The following PRKCZ variants were observed in gnomAD, a reference collection of about 807,000 sequenced individuals.
PRKCZ encodes protein kinase C zeta type.
PRKCZ carries 33 observed loss-of-function variants against 79.5 expected under a neutral mutation model. The ratio of observed to expected loss-of-function variants is 0.41; its 90% CI spans 0.31 to 0.55. The LOEUF (loss-of-function observed/expected upper bound fraction) is 0.55, where lower values mean the gene tolerates loss of function less well. PRKCZ is among the 20% of genes least tolerant of loss of function. PRKCZ has a pLI of 0.19. For synonymous variants in PRKCZ, 342 were observed against 320.9 expected, an observed-to-expected ratio of 1.07 and a Z score of -0.70; for missense variants, 578 against 813.5, an observed-to-expected ratio of 0.71 and a Z score of 3.52.
chr1:2,173,098 A>C lies in PRKCZ; in HGVS notation c.1285+710A>C, dbSNP rs1684785262. On this transcript the variant is annotated intron_variant, in intron 13 of 17. Coordinates refer to ENST00000378567, the MANE Select transcript of PRKCZ (RefSeq NM_002744.6). This position sits in a 1 kb window ranked among gnomAD's most constrained non-coding sequence, Gnocchi z 5.7. ...TGCATACTGTGTTTGTACACACTCC[A>C]CCCACTTCTGCATCCTGGTGTTTTC... is the stretch of plus-strand genomic sequence containing the variant. 9.8e-6 allele frequency among the ~76,000 whole-genome samples: 1 copy of C among 101,982 alleles called. No homozygotes were observed. Among genetic ancestry groups the C allele is most frequent in the Admixed American group, 9.9e-5 (1 of 10,132 alleles). The allele number at this position is 101,982 out of a possible 152,430, so 66.9% of individuals were successfully genotyped here. A position where few individuals can be genotyped will look rare whatever the true frequency, so the allele number is the denominator to read the frequency against.
intron 16 of PRKCZ, among the ~76,000 whole-genome samples, chr1:2,176,458 G>C (rs1338897995): frequency 2.0e-5 from 3 of 152,196 alleles, no homozygotes; most frequent in Non-Finnish European, 4.4e-5. Flanking sequence ...CACATGGAGG[G>C]TTTATTGGGA....
intron 4 of PRKCZ, among the ~76,000 whole-genome samples, chr1:2,105,205 G>A (rs1023656116): frequency 3.3e-5 from 5 of 152,160 alleles, no homozygotes; most frequent in African/African-American, 7.2e-5. Flanking sequence ...CAGCTCTTGC[G>A]CTGTGTACCG....
chr1:2,133,364 C>T (rs1022293369), intron 4 of PRKCZ, among the ~76,000 whole-genome samples: 26 of 150,648 alleles, frequency 1.7e-4, no homozygotes, highest in Non-Finnish European at 3.7e-4. Context: ...CCCTCGGCTC[C>T]GCCCCCTCGG....
chr1:2,100,952 G>T (rs955074470), intron 4 of PRKCZ, among the ~76,000 whole-genome samples: 2 of 150,504 alleles, frequency 1.3e-5, no homozygotes, highest in East Asian at 3.9e-4. Flanking sequence ...CTCCTGGCCA[G>T]TTCATCTTTC....
intron 1 of PRKCZ, 41 bp from the exon 2 acceptor site, chr1:2,055,400 A>G (rs557097983): frequency 1.9e-6 from 3 of 1,551,028 alleles, no homozygotes; most frequent in African/African-American, 1.4e-5. Context: ...TGATTCAAAT[A>G]TGCCCCACGG....
At chr1:2,063,689 G>T (rs574630151) in intron 4 of PRKCZ, among the ~76,000 whole-genome samples, 33 of 152,262 alleles carry the variant, frequency 2.2e-4, no homozygotes, top group African/African-American at 7.7e-4. Context: ...AATAGTGCAC[G>T]AGCGCCACTG....
intron 9 of PRKCZ, among the ~76,000 whole-genome samples, chr1:2,151,586 G>A (rs905013423): frequency 1.3e-5 from 2 of 152,228 alleles, no homozygotes; most frequent in African/African-American, 4.8e-5. Context: ...AGCTGCCGTG[G>A]CTCTGTGTAG....
intron 16 of PRKCZ, among the ~76,000 whole-genome samples, chr1:2,175,874 C>T (rs2100423365): frequency 6.6e-6 from 1 of 152,278 alleles, no homozygotes; most frequent in South Asian, 2.1e-4. Context: ...GCTAGCGGCA[C>T]ATGCGTCCTG....
At chr1:2,126,981 G>A (rs1261963908) in intron 4 of PRKCZ, among the ~76,000 whole-genome samples, 1 of 152,252 alleles carries the variant, frequency 6.6e-6, no homozygotes, top group South Asian at 2.1e-4. Flanking sequence ...TGTCCCACGT[G>A]CCTAGACGTG....
intron 4 of PRKCZ, among the ~76,000 whole-genome samples, chr1:2,120,450 C>G (rs1182462291): frequency 6.6e-6 from 1 of 151,858 alleles, no homozygotes; most frequent in Non-Finnish European, 1.5e-5. Flanking sequence ...CAGGCACTTG[C>G]CACCATGACC....
intron 3 of PRKCZ, among the ~76,000 whole-genome samples, chr1:2,058,220 C>G (rs954844419): frequency 6.6e-6 from 1 of 151,204 alleles, no homozygotes; most frequent in Non-Finnish European, 1.5e-5. Flanking sequence ...CCAGGCTGTT[C>G]TCAAACTCCT....
chr1:2,100,738 C>T (rs1472046424), intron 4 of PRKCZ, among the ~76,000 whole-genome samples: 1 of 152,112 alleles, frequency 6.6e-6, no homozygotes, highest in Non-Finnish European at 1.5e-5. Context: ...TGAGGCCGGC[C>T]CAGCCCTGAG....
chr1:2,073,763 T>G, intron 4 of PRKCZ: 1 of 1,008,808 alleles, frequency 9.9e-7, no homozygotes, highest in Non-Finnish European at 1.2e-6. Flanking sequence ...CAGCCGGCCT[T>G]CCGTTAAATA....
In PRKCZ at chr1:2,056,822, G is replaced by A. The variant is rs1210021216; in HGVS notation, c.283+249G>A. On this transcript the variant is annotated intron_variant, in intron 3 of 17. Coordinates refer to ENST00000378567, the MANE Select transcript of PRKCZ (RefSeq NM_002744.6). The stretch of plus-strand genomic sequence containing the variant: ...CAGCTCACTGCAAGCTCCGCCTCCT[G>A]GGTTCATGCCATTCTCCTGCCTCAG... Among the ~76,000 whole-genome samples the A allele has an allele frequency of 4.0e-5, 6 of 150,066 alleles. No individual in the cohort carries two copies. The Admixed American group carries it at 4.0e-4, about 10-fold the overall frequency.
intron 4 of PRKCZ, among the ~76,000 whole-genome samples, chr1:2,076,376 A>G (rs1312365637): frequency 6.6e-5 from 10 of 152,164 alleles, no homozygotes; most frequent in African/African-American, 1.9e-4. Context: ...AGGCATCCCC[A>G]TCTCCCAGCC....
intron 4 of PRKCZ, among the ~76,000 whole-genome samples, chr1:2,122,037 A>G (rs1244165640): frequency 3.1e-4 from 1 of 3,200 alleles, no homozygotes; most frequent in African/African-American, 1.7e-3. Context: ...AGTTAGGTTC[A>G]TGGTGGTGGT....
intron 9 of PRKCZ, 84 bp from the exon 10 acceptor site, chr1:2,155,911 A>G: frequency 8.6e-7 from 1 of 1,163,184 alleles, no homozygotes; most frequent in South Asian, 1.2e-5. Context: ...GAGGAAAGAG[A>G]CTCCTCCCTT....
intron 8 of PRKCZ, among the ~76,000 whole-genome samples, chr1:2,150,321 T>G (rs116040511): frequency 6.6e-6 from 1 of 152,324 alleles, no homozygotes; most frequent in African/African-American, 2.4e-5. Context: ...GTATTTCTAA[T>G]AATTATTTCT....
In PRKCZ at chr1:2,082,433, G is replaced by A. The variant is rs556582809; in HGVS notation, c.334+22842G>A. The A allele has an allele frequency of 4.4e-6, 2 of 456,174 alleles. No individual in the cohort carries two copies. The highest frequency in any genetic ancestry group is 2.4e-5 in the Admixed American group (1 of 42,530). The allele number at this position is 456,174 out of a possible 1,614,324, so 28.3% of individuals were successfully genotyped here. A position where few individuals can be genotyped will look rare whatever the true frequency, so the allele number is the denominator to read the frequency against. On this transcript the variant is annotated intron_variant, in intron 4 of 17. Transcript: ENST00000378567. The surrounding 1 kb of genome is among the most constrained non-coding windows in gnomAD (Gnocchi z 4.4). ...TATCTTGGCCAGCAGAGAGAATTGAGTTTGCATGGAGACTGTAATTTCATT... is the reference window on the plus strand; with the variant it reads ...TATCTTGGCCAGCAGAGAGAATTGAATTTGCATGGAGACTGTAATTTCATT...
Sources: gnomAD v4.1 joint callset for allele counts (sites outside exome capture counted in the v4.1 genomes callset) on GRCh38, gnomAD v4.1.1 for gene constraint, Gnocchi (gnomAD v3.1) non-coding constraint, MANE v1.5 for transcripts, NCBI Gene and HGNC (gene_info 2026-07-23, HGNC 2026-07-21) for gene names.